Variants in SLC26A7 observed in about 807,000 individuals in gnomAD.
The protein encoded by SLC26A7 is solute carrier family 26 member 7.
SLC26A7 carries 59 observed loss-of-function variants against 82.5 expected under a neutral mutation model. The ratio of observed to expected loss-of-function variants is 0.72; its 90% CI spans 0.58 to 0.89. SLC26A7 has a LOEUF of 0.89. Ranked by LOEUF, SLC26A7 falls within the 40% of genes least tolerant of loss-of-function variation. SLC26A7 has a pLI of 0.00. For synonymous variants in SLC26A7, 271 were observed against 274.3 expected (o/e 0.99, Z 0.12); for missense variants, 820 against 793.0 (o/e 1.03, Z -0.41).
intron 2 of SLC26A7, among the ~76,000 whole-genome samples, chr8:91,280,075 C>T (rs556814674): frequency 1.3e-5 from 2 of 152,144 alleles, no homozygotes; most frequent in Non-Finnish European, 2.9e-5. Context: ...TCACTCTTTT[C>T]CTTTGCTGTG....
intron 5 of SLC26A7, among the ~76,000 whole-genome samples, chr8:91,320,988 A>G (rs1365456339): frequency 6.6e-6 from 1 of 152,220 alleles, no homozygotes; most frequent in East Asian, 1.9e-4. Context: ...TTTTGTCAAA[A>G]GAGTCCAGTT....
intron 16 of SLC26A7, among the ~76,000 whole-genome samples, chr8:91,391,310 T>G (rs751156864): frequency 1.9e-4 from 29 of 152,180 alleles, no homozygotes; most frequent in Non-Finnish European, 3.8e-4. Context: ...TCTCTGGATC[T>G]CAGTTTATTC....
At chr8:91,377,693 C>T (rs890144494) in intron 15 of SLC26A7, among the ~76,000 whole-genome samples, 2 of 152,158 alleles carry the variant, frequency 1.3e-5, no homozygotes, top group Admixed American at 1.3e-4. Context: ...GAGGGACACC[C>T]TAAGAGTTTG....
chr8:91,230,060 T>C (rs975686859), intron 2 of SLC26A7, among the ~76,000 whole-genome samples: 3 of 152,218 alleles, frequency 2.0e-5, no homozygotes, highest in African/African-American at 7.2e-5. Context: ...ATACAATATG[T>C]ATTCTTTTCT....
chr8:91,318,479 G>A, intron 5 of SLC26A7, 99 bp downstream of exon 5: 4 of 1,076,204 alleles, frequency 3.7e-6, no homozygotes, highest in Non-Finnish European at 5.1e-6. Context: ...CTGTATTAAA[G>A]CAACTTGGGT....
intron 5 of SLC26A7, among the ~76,000 whole-genome samples, chr8:91,319,027 T>C (rs186736739): frequency 3.3e-5 from 5 of 152,364 alleles, no homozygotes; most frequent in African/African-American, 1.2e-4. Context: ...TGTTTAACTT[T>C]ATGCATTGCT....
At chr8:91,221,870 A>G (rs1810165275) in intron 2 of SLC26A7, among the ~76,000 whole-genome samples, 1 of 151,544 alleles carries the variant, frequency 6.6e-6, no homozygotes, top group South Asian at 2.1e-4. Context: ...CTGTGATTCC[A>G]TATGAAATTT....
At chr8:91,363,910 A>G (rs1814117915) in intron 13 of SLC26A7, among the ~76,000 whole-genome samples, 1 of 151,702 alleles carries the variant, frequency 6.6e-6, no homozygotes. Context: ...GAAATAGGAA[A>G]GGGAATGAAG....
intron 2 of SLC26A7, among the ~76,000 whole-genome samples, chr8:91,239,375 CAAAAAAA>C (rs1219500630): frequency 7.1e-5 from 6 of 84,156 alleles, no homozygotes; most frequent in African/African-American, 3.1e-4. Context: ...GACTCCGTCT[CAAAAAAA>C]AAAAAAAAAA....
chr8:91,302,718 TA>T (rs1170454184), intron 4 of SLC26A7, among the ~76,000 whole-genome samples: 3 of 152,082 alleles, frequency 2.0e-5, no homozygotes, highest in African/African-American at 7.2e-5. Context: ...CCCACTCCGT[TA>T]GCTCCCCTCC....
chr8:91,315,456 C>CA (rs369402122), intron 4 of SLC26A7, among the ~76,000 whole-genome samples: 13,819 of 102,250 alleles, frequency 0.14, 787 homozygotes, highest in African/African-American at 0.23. Context: ...CAAGAGCTGC[C>CA]AAAAAAAAAA....
At chr8:91,331,763 A>G (rs572279562) in intron 5 of SLC26A7, among the ~76,000 whole-genome samples, 36 of 152,108 alleles carry the variant, frequency 2.4e-4, no homozygotes, top group Non-Finnish European at 3.2e-4. Flanking sequence ...AACAATTTAT[A>G]CTCACAAGGG....
intron 1 of SLC26A7, among the ~76,000 whole-genome samples, chr8:91,216,931 C>G (rs1457451696): frequency 6.6e-6 from 1 of 152,072 alleles, no homozygotes; most frequent in Non-Finnish European, 1.5e-5. Flanking sequence ...ATAGTTCACC[C>G]TCCCCGAAAT....
intron 2 of SLC26A7, among the ~76,000 whole-genome samples, chr8:91,281,186 A>G (rs987837596): frequency 6.6e-6 from 1 of 152,264 alleles, no homozygotes; most frequent in Non-Finnish European, 1.5e-5. Context: ...AGATTCAAAG[A>G]TATATAAAAA....
chr8:91,292,753 A>G (rs1232694818), intron 3 of SLC26A7, among the ~76,000 whole-genome samples: 4 of 152,138 alleles, frequency 2.6e-5, no homozygotes, highest in Admixed American at 6.5e-5. Flanking sequence ...AAAAAAAGGA[A>G]TAAATCAGTT....
At chr8:91,272,286 G>T (rs1324445852) in intron 2 of SLC26A7, among the ~76,000 whole-genome samples, 1 of 152,180 alleles carries the variant, frequency 6.6e-6, no homozygotes, top group Non-Finnish European at 1.5e-5. Flanking sequence ...TCATGGAAGA[G>T]ACCCTGGTAC....
chr8:91,391,333 T>C (rs74566840), intron 16 of SLC26A7, among the ~76,000 whole-genome samples: 2,051 of 152,262 alleles, frequency 0.013, 46 homozygotes, highest in African/African-American at 0.047. Context: ...TTTGTAAAAA[T>C]GAGGCAGCGA....
chr8:91,348,324 CTACT>C (rs1163365771), intron 9 of SLC26A7: 1 of 985,220 alleles, frequency 1.0e-6, no homozygotes, highest in Non-Finnish European at 1.2e-6. Flanking sequence ...AGTTCGAGAA[CTACT>C]TATGCCTTCT....
upstream of SLC26A7, among the ~76,000 whole-genome samples, chr8:91,246,306 T>G (rs1207748198): frequency 2.0e-5 from 3 of 152,084 alleles, no homozygotes; most frequent in Admixed American, 2.0e-4. Flanking sequence ...TAATCCCTAC[T>G]CAAAAGGAAT....
Sources: allele counts gnomAD v4.1 joint callset (sites outside exome capture counted in the v4.1 genomes callset), GRCh38; gene constraint gnomAD v4.1.1; transcripts MANE v1.5; gene names NCBI Gene and HGNC (gene_info 2026-07-23, HGNC 2026-07-21).